The following NRDE2 variants were observed in gnomAD, a reference collection of about 807,000 sequenced individuals.
The protein encoded by NRDE2 is nuclear exosome regulator NRDE2.
Under a neutral mutation model 124.2 loss-of-function variants are expected in NRDE2, and 76 were observed. The ratio of observed to expected loss-of-function variants is 0.61; its 90% confidence interval spans 0.51 to 0.74. The LOEUF (loss-of-function observed/expected upper bound fraction) is 0.74. NRDE2 is among the 30% of genes least tolerant of loss of function. The pLI is 0.00. For missense variants in NRDE2, 1,314 were observed against 1,417.3 expected (o/e 0.93, Z 1.17); for synonymous variants, 489 against 528.1 (o/e 0.93, Z 1.01).
chr14:90,311,365 T>C (rs541758397), intron 4 of NRDE2, among the ~76,000 whole-genome samples: 2 of 152,174 alleles, frequency 1.3e-5, no homozygotes, highest in Admixed American at 6.5e-5. Context: ...TCTTGAATTG[T>C]AGTTCCCATA....
At chr14:90,314,269 C>CA (rs1884959874) in intron 3 of NRDE2, among the ~76,000 whole-genome samples, 1 of 152,216 alleles carries the variant, frequency 6.6e-6, no homozygotes, top group African/African-American at 2.4e-5. Flanking sequence ...CTCACGAACC[C>CA]ACTTTCCTGA....
At chr14:90,287,230 T>G (rs541504658) in intron 11 of NRDE2, among the ~76,000 whole-genome samples, 30 of 152,228 alleles carry the variant, frequency 2.0e-4, no homozygotes, top group African/African-American at 6.0e-4. Flanking sequence ...TTTTGGCTTA[T>G]AAGGTCAGAG....
In NRDE2 at chr14:90,302,930, C is replaced by T. The variant is rs1025230845; in HGVS notation, c.1201G>A (p.Val401Ile). The change falls in exon 6 of 14, where the codon GTC becomes ATC. Residue 401 changes from valine to isoleucine, a missense_variant. Transcript: ENST00000354366. ...CTEFWEPSTL[V>I]KEWQKLIFLH... ...AATATCAGTTTCTGCCACTCTTTGACCAGAGTGGAGGGCTCCCAGAACTCT... is the reference window on the plus strand; with the variant it reads ...AATATCAGTTTCTGCCACTCTTTGATCAGAGTGGAGGGCTCCCAGAACTCT... The T allele has an allele frequency of 2.5e-6, 4 of 1,613,876 alleles. No individual in the cohort carries two copies. Among genetic ancestry groups the T allele is most frequent in the South Asian group, 1.1e-5 (1 of 91,084 alleles).
intron 12 of NRDE2, chr14:90,281,706 C>G (rs1891959254): frequency 6.6e-6 from 1 of 152,208 alleles, no homozygotes; most frequent in Non-Finnish European, 1.5e-5. Flanking sequence ...TTTTGATTCT[C>G]TTTTTTTATC....
Position 90,301,278 on chromosome 14 carries a change from G to A in NRDE2, c.1506C>T (p.Phe502=). 1 of 1,613,816 alleles carries A rather than the reference G, an allele frequency of 6.2e-7. No homozygotes were observed. Among genetic ancestry groups the A allele is most frequent in the Non-Finnish European group, 8.5e-7 (1 of 1,179,830 alleles). ...LFQAMVDFTF[F]KPDSVKDLPT... ...GCAGATCTTTCACGCTGTCGGGTTT[G>A]AAGAAGGTGAAGTCCACCATGGCCT... The change falls in exon 7 of 14, where the codon TTC becomes TTT. Residue 502 remains phenylalanine, a synonymous_variant. Coordinates refer to ENST00000354366, the MANE Select transcript of NRDE2 (RefSeq NM_017970.4).
Position 90,304,551 on chromosome 14 carries a change from ACTTT to A in NRDE2, c.558-173_558-170del, listed in dbSNP as rs1208106308. 3 of 567,656 alleles carry A rather than the reference ACTTT, an allele frequency of 5.3e-6. No homozygotes were observed. In the African/African-American group the frequency reaches 5.6e-5, roughly 11 times the overall value. 35.2% of individuals were successfully genotyped at this position (567,656 alleles called of 1,614,324 possible). The stretch of plus-strand genomic sequence containing the variant: ...GGAGATACACAAGGACTAGTAATTA[ACTTT>A]CTTTCTGCCTGGCTTGACTTCTTCC... On this transcript the variant is annotated intron_variant, in intron 4 of 13. Transcript: ENST00000354366.
In NRDE2 at chr14:90,288,699, G is replaced by A. The variant is rs1892182774; in HGVS notation, c.2676C>T (p.Ser892=). ...LQDCLGDSCV[S]NPAPTDSCSR... The stretch of plus-strand genomic sequence containing the variant: ...TACAGGAATCGGTGGGAGCTGGATT[G>A]GAGACACAGCTGTCACCCAAACAGT... Residue 892 remains serine, a synonymous_variant, in exon 11 of 14, where the codon TCC becomes TCT. Coordinates refer to ENST00000354366, the MANE Select transcript of NRDE2 (RefSeq NM_017970.4). 2.5e-6 allele frequency: 4 copies of A among 1,614,072 alleles called. No homozygotes were observed. The highest frequency in any genetic ancestry group is 1.6e-4 in the Middle Eastern group (1 of 6,062).
Position 90,303,112 on chromosome 14 carries a change from T to C in NRDE2, c.1019A>G (p.Lys340Arg). ...CTCGATGGCATACAGGCCAGGACTT[T>C]TCATGACCTCGTCCTCAACAACAAA... ...AFVAFQDEVMKSPGLYAIEEG... is the reference protein window; with the variant it reads ...AFVAFQDEVMRSPGLYAIEEG... Residue 340 changes from lysine (K) to arginine (R), a missense_variant, in exon 6 of 14, where the codon AAA (lysine) becomes AGA (arginine). Physicochemically the swap from Lys to Arg is conservative, Grantham distance 26 (BLOSUM62 2). Transcript: ENST00000354366. 4.3e-6 allele frequency: 7 copies of C among 1,611,814 alleles called. No homozygotes were observed. Among genetic ancestry groups the C allele is most frequent in the Non-Finnish European group, 5.9e-6 (7 of 1,178,918 alleles).
At position 90,268,024 on chromosome 14, in the gene NRDE2, A is replaced by G; in HGVS notation, c.*10312T>C. On this transcript the variant is annotated 3_prime_UTR_variant, in exon 14 of 14. Transcript: ENST00000354366. ...TCAGCAAAATAGCTAAGGATAATCC[A>G]AACATGTTAGTAGATTTTTCTAAAT... 2 of 498,986 alleles carry G rather than the reference A, an allele frequency of 4.0e-6. No homozygotes were observed. Among genetic ancestry groups the G allele is most frequent in the Non-Finnish European group, 3.5e-6 (1 of 285,150 alleles). 30.9% of individuals were successfully genotyped at this position (498,986 alleles called of 1,614,324 possible).
At chr14:90,296,179 A>C (rs771401033) in intron 8 of NRDE2, among the ~76,000 whole-genome samples, 1 of 152,202 alleles carries the variant, frequency 6.6e-6, no homozygotes, top group African/African-American at 2.4e-5. Flanking sequence ...ACCAAAAAAC[A>C]AAAAAACTAA....
At chr14:90,312,350 G>C (rs1269513738) in intron 4 of NRDE2, 44 bp downstream of exon 4, 1 of 1,601,028 alleles carries the variant, frequency 6.2e-7, no homozygotes, top group Non-Finnish European at 8.5e-7. Flanking sequence ...GGAGAAAAAA[G>C]TCACTTTCCT....
At chr14:90,307,776 C>T (rs1884669791) in intron 4 of NRDE2, among the ~76,000 whole-genome samples, 1 of 152,182 alleles carries the variant, frequency 6.6e-6, no homozygotes, top group Non-Finnish European at 1.5e-5. Flanking sequence ...TAGGGTTTCC[C>T]TCTGTTACCC....
At chr14:90,308,411 C>T (rs944474265) in intron 4 of NRDE2, among the ~76,000 whole-genome samples, 1 of 152,154 alleles carries the variant, frequency 6.6e-6, no homozygotes, top group African/African-American at 2.4e-5. Context: ...AATCTGACTT[C>T]CCGGAACTTC....
chr14:90,285,390 C>G (rs1471050105), intron 12 of NRDE2, among the ~76,000 whole-genome samples: 2 of 149,196 alleles, frequency 1.3e-5, no homozygotes, highest in African/African-American at 4.9e-5. Context: ...CAGCCTCTGC[C>G]TCCCGCGTTC....
intron 9 of NRDE2, among the ~76,000 whole-genome samples, chr14:90,291,164 T>A (rs1595060276): frequency 6.6e-6 from 1 of 152,174 alleles, no homozygotes; most frequent in Non-Finnish European, 1.5e-5. Flanking sequence ...AAAGCAATTA[T>A]AAGAGCCTAA....
intron 1 of NRDE2, among the ~76,000 whole-genome samples, chr14:90,318,656 C>T (rs1263851519): frequency 1.3e-5 from 2 of 151,920 alleles, no homozygotes; most frequent in Non-Finnish European, 2.9e-5. Flanking sequence ...AAAAATTAGC[C>T]GGGTGTGGTA....
In NRDE2 at chr14:90,302,841, AC is replaced by A. The variant is rs763490714; in HGVS notation, c.1289del (p.Ser430IlefsTer16). ...TGTGAATTTTTGATATCGAAAAGGTACTAAACTGGCTCTGGCAAAATAAAAG... is the reference window on the plus strand; with the variant it reads ...TGTGAATTTTTGATATCGAAAAGGTATAAACTGGCTCTGGCAAAATAAAAG... ...KYLLFCQSQF[S>X]TFSISKIHSL... On this transcript the variant is annotated frameshift_variant, in exon 6 of 14. Coordinates refer to ENST00000354366, the MANE Select transcript of NRDE2 (RefSeq NM_017970.4). LOFTEE classifies it high-confidence loss of function. The A allele has an allele frequency of 1.2e-6, 2 of 1,614,180 alleles. No homozygotes were observed. The highest frequency in any genetic ancestry group is 1.7e-6 in the Non-Finnish European group (2 of 1,180,050).
Position 90,272,595 on chromosome 14 carries a change from C to T in NRDE2, c.*5741G>A. 1 of 517,796 alleles carries T rather than the reference C, an allele frequency of 1.9e-6. No homozygotes were observed. The highest frequency in any genetic ancestry group is 4.0e-5 in the Admixed American group (1 of 25,034). The allele number at this position is 517,796 out of a possible 1,614,324, so 32.1% of individuals were successfully genotyped here. On this transcript the variant is annotated 3_prime_UTR_variant, in exon 14 of 14. Transcript: ENST00000354366. The surrounding 1 kb of genome is among the most constrained non-coding windows in gnomAD (Gnocchi z 4.5). Reference sequence around the variant, plus strand: ...CTGTTGGTCACTGTGCAGCAGTCTGCTTCCCAATAAAGCGTGCTCTTTCAC... The same window carrying T: ...CTGTTGGTCACTGTGCAGCAGTCTGTTTCCCAATAAAGCGTGCTCTTTCAC...
Position 90,290,514 on chromosome 14 carries a change from C to T in NRDE2, c.1936G>A (p.Val646Met), listed in dbSNP as rs771065485. ...GCTGGAGGAGTAAAGCCAGAAGGCA[C>T]ACCCAAGAACTGCAGGAAGGCCTCC... ...LVEAFLQFLGVPSGFTPPASC... is the reference protein window; with the variant it reads ...LVEAFLQFLGMPSGFTPPASC... Residue 646 changes from valine to methionine, a missense_variant, in exon 10 of 14, where the codon GTG becomes ATG. By Grantham distance (21) the Val-to-Met change is conservative (BLOSUM62 1). Coordinates refer to ENST00000354366, the MANE Select transcript of NRDE2 (RefSeq NM_017970.4). 3.7e-6 allele frequency: 6 copies of T among 1,614,020 alleles called. No individual in the cohort carries two copies. The highest frequency in any genetic ancestry group is 1.7e-5 in the Admixed American group (1 of 60,022).
Sources: allele counts gnomAD v4.1 joint callset (sites outside exome capture counted in the v4.1 genomes callset), GRCh38; gene constraint gnomAD v4.1.1; non-coding constraint Gnocchi (gnomAD v3.1); transcripts MANE v1.5; gene names NCBI Gene and HGNC (gene_info 2026-07-23, HGNC 2026-07-21).